The following GLT8D2 variants were observed in gnomAD, a reference collection of about 807,000 sequenced individuals.
The protein encoded by GLT8D2 is glycosyltransferase 8 domain-containing protein 2.
In GLT8D2, 45 loss-of-function variants were observed where a neutral mutation model predicts 44.5. The ratio of observed to expected loss-of-function variants is 1.01; its 90% CI spans 0.80 to 1.30. The LOEUF is 1.30. Among genes scored for constraint, GLT8D2 ranks in the 50% most tolerant of loss-of-function variants. The pLI, the probability that GLT8D2 is intolerant of heterozygous loss-of-function variation, is 0.00. For missense variants in GLT8D2, 400 were observed against 430.4 expected (o/e 0.93, Z 0.62); for synonymous variants, 156 against 157.2 (o/e 0.99, Z 0.06).
chr12:103,990,177 G>T (rs987937819), intron 10 of GLT8D2, among the ~76,000 whole-genome samples: 2 of 147,846 alleles, frequency 1.4e-5, no homozygotes, highest in Non-Finnish European at 1.5e-5. Flanking sequence ...ATTGAAGGTT[G>T]TGTGCCTTTT....
In GLT8D2 at chr12:103,999,377, C is replaced by G; in HGVS notation, c.402+20G>C. On this transcript the variant is annotated intron_variant, in intron 6 of 10. Coordinates refer to ENST00000360814, the MANE Select transcript of GLT8D2 (RefSeq NM_001384711.1). Reference sequence around the variant, plus strand: ...GTCTCACCAAGGACTGTCCCCAGCACCTGTGTGGTCCCTACTTACAGGCTG... The same window carrying G: ...GTCTCACCAAGGACTGTCCCCAGCAGCTGTGTGGTCCCTACTTACAGGCTG... The G allele has an allele frequency of 7.3e-7, 1 of 1,373,982 alleles. No individual in the cohort carries two copies. Among genetic ancestry groups the G allele is most frequent in the Non-Finnish European group, 1.0e-6 (1 of 960,952 alleles). The allele number at this position is 1,373,982 out of a possible 1,614,324, so 85.1% of individuals were successfully genotyped here.
chr12:104,054,751 G>T, upstream of GLT8D2, among the ~76,000 whole-genome samples: 1 of 152,000 alleles, frequency 6.6e-6, no homozygotes, highest in African/African-American at 2.4e-5. Context: ...AGAGCTCTTT[G>T]GTGTCTTTTG....
intron 4 of GLT8D2, among the ~76,000 whole-genome samples, chr12:104,005,270 A>G (rs186036899): frequency 4.7e-4 from 72 of 152,388 alleles, no homozygotes; most frequent in Admixed American, 1.5e-3. Flanking sequence ...ACCTAAAACC[A>G]TAAAAACCCT....
At chr12:103,991,410 A>T (rs184106366) in intron 10 of GLT8D2, among the ~76,000 whole-genome samples, 1 of 151,538 alleles carries the variant, frequency 6.6e-6, no homozygotes, top group Admixed American at 6.6e-5. Context: ...CTGGTCTTGA[A>T]CTCCTGACCT....
At chr12:103,995,414 T>C (rs892649934) in intron 8 of GLT8D2, among the ~76,000 whole-genome samples, 3 of 152,188 alleles carry the variant, frequency 2.0e-5, no homozygotes. Context: ...ATCTTTACAC[T>C]TGTTCTTCCC....
chr12:104,021,947 AGAAGAAGAGGAAGAAGAGGAAGAG>A, intron 1 of GLT8D2, among the ~76,000 whole-genome samples: 1 of 17,744 alleles, frequency 5.6e-5, no homozygotes, highest in Non-Finnish European at 1.1e-4. Flanking sequence ...AAGAAGAAGA[AGAAGAAGAGGAAGAAGAGGAAGAG>A]GAAGAGGAAG....
chr12:104,025,805 G>C (rs150951579), intron 1 of GLT8D2, among the ~76,000 whole-genome samples: 1 of 152,186 alleles, frequency 6.6e-6, no homozygotes, highest in South Asian at 2.1e-4. Flanking sequence ...CAATTTCAGG[G>C]TATTCAAAGG....
intron 1 of GLT8D2, among the ~76,000 whole-genome samples, chr12:104,035,059 C>G (rs1353856417): frequency 6.6e-6 from 1 of 152,218 alleles, no homozygotes; most frequent in Non-Finnish European, 1.5e-5. Context: ...CTCCAACAGA[C>G]CTACAGCTAA....
chr12:104,009,100 G>C (rs1400164796), intron 4 of GLT8D2, among the ~76,000 whole-genome samples: 3 of 152,234 alleles, frequency 2.0e-5, no homozygotes, highest in Non-Finnish European at 2.9e-5. Context: ...GTGGAGCTGT[G>C]AGAAGAGGGC....
intron 3 of GLT8D2, among the ~76,000 whole-genome samples, chr12:104,016,705 G>A (rs1421445226): frequency 3.2e-4 from 25 of 79,232 alleles, no homozygotes; most frequent in South Asian, 4.2e-4. Context: ...GAAAGAAAGG[G>A]AGAGAGAAAG....
intron 1 of GLT8D2, among the ~76,000 whole-genome samples, chr12:104,025,101 C>T (rs766417371): frequency 1.2e-4 from 18 of 148,508 alleles, no homozygotes; most frequent in Admixed American, 4.0e-4. Flanking sequence ...CCCTGTGTTA[C>T]GCGATTTGCA....
chr12:104,036,339 T>G (rs989078521), intron 1 of GLT8D2, among the ~76,000 whole-genome samples: 5 of 152,174 alleles, frequency 3.3e-5, no homozygotes, highest in Non-Finnish European at 1.5e-5. Flanking sequence ...ATGGACTATA[T>G]GTCCCAATTA....
chr12:104,024,081 A>G (rs1007004557), intron 1 of GLT8D2, among the ~76,000 whole-genome samples: 2 of 152,120 alleles, frequency 1.3e-5, no homozygotes, highest in Non-Finnish European at 2.9e-5. Flanking sequence ...ATTTAACTCT[A>G]TAAGAAATTG....
chr12:104,063,633 G>A (rs1050464294), intron 1 of GLT8D2, among the ~76,000 whole-genome samples: 2 of 152,200 alleles, frequency 1.3e-5, no homozygotes, highest in Non-Finnish European at 2.9e-5. Flanking sequence ...AGGCAGTATG[G>A]TATATGATAT....
intron 3 of GLT8D2, among the ~76,000 whole-genome samples, chr12:104,016,882 G>GAAAGA: frequency 1.4e-5 from 2 of 140,366 alleles, no homozygotes; most frequent in South Asian, 4.5e-4. Context: ...AAGAAAGAAA[G>GAAAGA]AAAAATAAAG....
At chr12:104,059,393 G>C (rs1396808478) in intron 1 of GLT8D2, among the ~76,000 whole-genome samples, 1 of 152,084 alleles carries the variant, frequency 6.6e-6, no homozygotes, top group Non-Finnish European at 1.5e-5. Context: ...AGGAAATTAG[G>C]CTTCTTCCAG....
At chr12:104,056,403 T>C (rs1214014715) in intron 1 of GLT8D2, among the ~76,000 whole-genome samples, 1 of 152,102 alleles carries the variant, frequency 6.6e-6, no homozygotes, top group Non-Finnish European at 1.5e-5. Context: ...CAATTTACAC[T>C]CTTGGCTGAA....
At chr12:104,035,190 T>TA in intron 1 of GLT8D2, among the ~76,000 whole-genome samples, 1 of 152,140 alleles carries the variant, frequency 6.6e-6, no homozygotes, top group East Asian at 1.9e-4. Context: ...CAAAGGTAGA[T>TA]AAAATCACAA....
intron 5 of GLT8D2, among the ~76,000 whole-genome samples, chr12:104,002,703 G>T (rs1874380464): frequency 6.6e-6 from 1 of 152,110 alleles, no homozygotes; most frequent in Non-Finnish European, 1.5e-5. Flanking sequence ...CAGCATTTTG[G>T]GAGGCTGAGG....
Sources: allele counts gnomAD v4.1 joint callset (sites outside exome capture counted in the v4.1 genomes callset), GRCh38; gene constraint gnomAD v4.1.1; transcripts MANE v1.5; gene names NCBI Gene and HGNC (gene_info 2026-07-23, HGNC 2026-07-21).